Variants in NCAPG2 observed in about 807,000 individuals in gnomAD.
The protein encoded by NCAPG2 is condensin-2 complex subunit G2.
Under a neutral mutation model 141.1 loss-of-function variants are expected in NCAPG2, and 53 were observed. That is an observed-to-expected ratio of 0.38 (90% CI 0.30 to 0.47). NCAPG2 has a LOEUF of 0.47. Ranked by LOEUF, NCAPG2 falls within the 20% of genes least tolerant of loss-of-function variation. The probability of loss-of-function intolerance (pLI) is 0.99; values close to 1 mark genes in which losing one functional copy is unlikely to be tolerated. For missense variants in NCAPG2, 1,087 were observed against 1,389.0 expected (o/e 0.78, Z 3.46); for synonymous variants, 499 against 490.7 (o/e 1.02, Z -0.22).
intron 27 of NCAPG2, among the ~76,000 whole-genome samples, chr7:158,637,193 T>C (rs139879377): frequency 0.012 from 1,877 of 152,318 alleles, 26 homozygotes; most frequent in African/African-American, 0.039. Flanking sequence ...GTGATCCACC[T>C]GCCTTGGCCT....
chr7:158,690,008 T>C, intron 5 of NCAPG2, 55 bp from the exon 6 acceptor site: 3 of 1,335,340 alleles, frequency 2.2e-6, no homozygotes, highest in Non-Finnish European at 3.0e-6. Flanking sequence ...AAAGTCATAT[T>C]TCAAATCAAG....
chr7:158,679,800 A>G (rs1834328834), intron 11 of NCAPG2, among the ~76,000 whole-genome samples, 160 bp downstream of exon 11: 1 of 152,248 alleles, frequency 6.6e-6, no homozygotes. Flanking sequence ...CCCAGGGAGA[A>G]GTGGCATCTC....
intron 27 of NCAPG2, among the ~76,000 whole-genome samples, chr7:158,632,867 G>A (rs1829978014): frequency 6.6e-6 from 1 of 152,050 alleles, no homozygotes; most frequent in African/African-American, 2.4e-5. Flanking sequence ...AATTATTTAT[G>A]ACATAGTTCA....
intron 2 of NCAPG2, among the ~76,000 whole-genome samples, chr7:158,699,068 G>A (rs1410168186): frequency 1.3e-5 from 2 of 152,140 alleles, no homozygotes; most frequent in Non-Finnish European, 2.9e-5. Context: ...ACAGAGGTGA[G>A]TCACTGTGCC....
intron 21 of NCAPG2, chr7:158,654,900 C>A (rs1332977936): frequency 8.8e-7 from 1 of 1,136,046 alleles, no homozygotes; most frequent in East Asian, 2.7e-5. Flanking sequence ...ATTCCACAAA[C>A]ATAATCGAAC....
At chr7:158,652,905 A>G (rs189703709) in intron 22 of NCAPG2, among the ~76,000 whole-genome samples, 2 of 152,386 alleles carry the variant, frequency 1.3e-5, no homozygotes, top group East Asian at 3.9e-4. Flanking sequence ...AATTCTAGTT[A>G]TAATTAGCTC....
intron 27 of NCAPG2, among the ~76,000 whole-genome samples, chr7:158,643,773 T>C (rs900541103): frequency 1.3e-5 from 2 of 152,202 alleles, no homozygotes; most frequent in African/African-American, 2.4e-5. Flanking sequence ...TATAGTAAAA[T>C]GCAGAGCATA....
At chr7:158,649,138 C>T (rs1831291402) in intron 24 of NCAPG2, among the ~76,000 whole-genome samples, 1 of 152,066 alleles carries the variant, frequency 6.6e-6, no homozygotes, top group South Asian at 2.1e-4. Flanking sequence ...GAGTCAGAGC[C>T]AGAGAGATTC....
chr7:158,652,610 G>C, intron 22 of NCAPG2, 130 bp from the exon 23 acceptor site: 2 of 760,752 alleles, frequency 2.6e-6, no homozygotes, highest in Non-Finnish European at 4.1e-6. Context: ...TATTTGGTGA[G>C]CCAATACCAA....
chr7:158,654,671 A>T lies in NCAPG2; in HGVS notation c.2670T>A (p.Asp890Glu). 3 of 1,614,000 alleles carry T rather than the reference A, an allele frequency of 1.9e-6. No individual in the cohort carries two copies. The highest frequency in any genetic ancestry group is 2.5e-6 in the Non-Finnish European group (3 of 1,179,966). The change falls in exon 22 of 28, where the codon GAT becomes GAA. Residue 890 changes from aspartate to glutamate, a missense_variant. Asp to Glu is a conservative substitution (Grantham distance 45, BLOSUM62 2). Coordinates refer to ENST00000356309, the MANE Select transcript of NCAPG2 (RefSeq NM_017760.7). ...IIQTYLTVCK[D>E]VVMVGLGDHQ... ...GGTCACCAAGGCCTACCATAACAAC[A>T]TCTTTACACACAGTCAGGTAGGTCT...
chr7:158,679,901 A>G, intron 11 of NCAPG2, 59 bp downstream of exon 11: 1 of 1,595,302 alleles, frequency 6.3e-7, no homozygotes, highest in East Asian at 2.2e-5. Flanking sequence ...CAAGCAGTAC[A>G]TGCCACAGCC....
chr7:158,671,926 G>A (rs1250963289), intron 12 of NCAPG2, among the ~76,000 whole-genome samples: 1 of 152,110 alleles, frequency 6.6e-6, no homozygotes, highest in Admixed American at 6.6e-5. Context: ...AATTATAAAA[G>A]AAATCTTTAA....
chr7:158,631,845 T>C (rs1267040133), intron 27 of NCAPG2, 128 bp from the exon 28 acceptor site: 1 of 734,308 alleles, frequency 1.4e-6, no homozygotes, highest in Admixed American at 2.5e-5. Flanking sequence ...TGAAATAATC[T>C]ATAGATGTTT....
chr7:158,632,357 T>C (rs975621051), intron 27 of NCAPG2, among the ~76,000 whole-genome samples: 4 of 152,158 alleles, frequency 2.6e-5, no homozygotes, highest in African/African-American at 9.7e-5. Flanking sequence ...AGGTAGCATA[T>C]CACTGTTCCT....
intron 2 of NCAPG2, 141 bp from the exon 3 acceptor site, chr7:158,693,638 A>G: frequency 1.4e-6 from 1 of 691,206 alleles, no homozygotes; most frequent in Non-Finnish European, 2.3e-6. Flanking sequence ...ATCCATTCCT[A>G]AAAGGGAAGA....
At chr7:158,690,757 G>C in intron 4 of NCAPG2, 35 bp from the exon 5 acceptor site, 1 of 1,589,628 alleles carries the variant, frequency 6.3e-7, no homozygotes, top group Non-Finnish European at 8.6e-7. Context: ...CAATTAGTAA[G>C]GCAAATTCTT....
intron 27 of NCAPG2, among the ~76,000 whole-genome samples, chr7:158,639,391 A>G (rs1013393857): frequency 6.6e-6 from 1 of 152,194 alleles, no homozygotes; most frequent in Non-Finnish European, 1.5e-5. Context: ...TACAGCTGTA[A>G]GCCACCGCAC....
intron 7 of NCAPG2, among the ~76,000 whole-genome samples, chr7:158,686,513 A>G (rs1003951970): frequency 2.6e-5 from 4 of 152,256 alleles, no homozygotes; most frequent in East Asian, 1.9e-4. Context: ...CTATGAGTGC[A>G]TAAGTCCAGA....
intron 2 of NCAPG2, 54 bp downstream of exon 2, chr7:158,701,768 C>G: frequency 1.4e-6 from 2 of 1,443,584 alleles, no homozygotes; most frequent in Non-Finnish European, 1.9e-6. Context: ...GACTTTAGAA[C>G]ATATTTCATA....
Sources: gnomAD v4.1 joint callset for allele counts (sites outside exome capture counted in the v4.1 genomes callset) on GRCh38, gnomAD v4.1.1 for gene constraint, MANE v1.5 for transcripts, NCBI Gene and HGNC (gene_info 2026-07-23, HGNC 2026-07-21) for gene names.